KIF11: variants seen among roughly 807,000 people sequenced by gnomAD.
The protein encoded by KIF11 is kinesin-like protein KIF11.
In KIF11, 9 loss-of-function variants were observed where a neutral mutation model predicts 121.0. The ratio of observed to expected loss-of-function variants is 0.07; its 90% CI spans 0.04 to 0.13. KIF11 has a LOEUF of 0.13. KIF11 is among the 10% of genes least tolerant of loss of function. The pLI is 1.00. For synonymous variants in KIF11, 408 were observed against 421.0 expected (o/e 0.97, Z 0.38); for missense variants, 846 against 1,217.5 (o/e 0.69, Z 4.54).
At chr10:92,637,764 C>T (rs1328897997) in intron 16 of KIF11, among the ~76,000 whole-genome samples, 2 of 152,138 alleles carry the variant, frequency 1.3e-5, no homozygotes, top group Non-Finnish European at 2.9e-5. Flanking sequence ...CCATGCAGAA[C>T]CACAATATGA....
chr10:92,621,289 T>TA (rs1423726237), intron 9 of KIF11, 96 bp from the exon 10 acceptor site: 9 of 620,110 alleles, frequency 1.5e-5, no homozygotes, highest in Non-Finnish European at 2.5e-5. Context: ...TTAAAAGACA[T>TA]AAAAAGGCTA....
intron 12 of KIF11, among the ~76,000 whole-genome samples, chr10:92,632,213 T>C (rs972458426): frequency 6.6e-6 from 1 of 151,894 alleles, no homozygotes; most frequent in Non-Finnish European, 1.5e-5. Context: ...TCACCCCGGC[T>C]GGAGTGGCAG....
Position 92,614,149 on chromosome 10 carries a change from T to C in KIF11, c.1032+530T>C, listed in dbSNP as rs369634316. Among the ~76,000 whole-genome samples the C allele has an allele frequency of 1.3e-4, 20 of 149,292 alleles. No individual in the cohort carries two copies. In the East Asian group the frequency reaches 3.9e-3, roughly 29 times the overall value. On this transcript the variant is annotated intron_variant, in intron 8 of 21. Coordinates refer to ENST00000260731, the MANE Select transcript of KIF11 (RefSeq NM_004523.4). Reference sequence around the variant, plus strand: ...CCCACTCTTGTCCCCCAGACTGGAGTGCGATGACGCGATCTCGGCTCACTG... The same window carrying C: ...CCCACTCTTGTCCCCCAGACTGGAGCGCGATGACGCGATCTCGGCTCACTG...
At chr10:92,599,626 T>TG (rs1844343666) in intron 1 of KIF11, among the ~76,000 whole-genome samples, 1 of 151,536 alleles carries the variant, frequency 6.6e-6, no homozygotes, top group African/African-American at 2.4e-5. Flanking sequence ...ACAGTTTTTT[T>TG]TTGTGTGTGT....
At chr10:92,593,521 G>A (rs12256435) in intron 1 of KIF11, 69 bp downstream of exon 1, 2 of 1,363,312 alleles carry the variant, frequency 1.5e-6, no homozygotes, top group Non-Finnish European at 2.0e-6. Context: ...GCGCGGTCCA[G>A]GGAGAGGGAT....
chr10:92,637,619 CTA>C (rs1564714916), intron 16 of KIF11, 74 bp downstream of exon 16: 2 of 1,387,306 alleles, frequency 1.4e-6, no homozygotes, highest in Non-Finnish European at 2.0e-6. Context: ...GATAATTAAT[CTA>C]TGTTACACAA....
At chr10:92,623,915 A>T (rs1036314131) in intron 10 of KIF11, among the ~76,000 whole-genome samples, 1 of 152,014 alleles carries the variant, frequency 6.6e-6, no homozygotes, top group Non-Finnish European at 1.5e-5. Context: ...TTTTAGTTTC[A>T]GGAGTACATG....
chr10:92,618,605 C>G (rs994133629), intron 9 of KIF11, among the ~76,000 whole-genome samples: 5 of 144,476 alleles, frequency 3.5e-5, no homozygotes, highest in African/African-American at 1.4e-4. Flanking sequence ...GATCGAGCCA[C>G]TGTACTACAG....
Position 92,633,680 on chromosome 10 carries a change from G to A in KIF11, c.1760G>A (p.Gly587Glu). Residue 587 changes from glycine to glutamate, a missense_variant, in exon 14 of 22, where the codon GGA (glycine) becomes GAA (glutamate). By Grantham distance (98) the Gly-to-Glu change is moderately conservative. Coordinates refer to ENST00000260731, the MANE Select transcript of KIF11 (RefSeq NM_004523.4). The part of the protein sequence containing the change: ...ALDTITTVAL[G>E]SLTSIPENVS... Reference sequence around the variant, plus strand: ...GATACCATTACTACAGTAGCACTTGGATCTCTCACATCTATTCCAGAAAAT... The same window carrying A: ...GATACCATTACTACAGTAGCACTTGAATCTCTCACATCTATTCCAGAAAAT... 6.2e-7 allele frequency: 1 copy of A among 1,605,262 alleles called. No individual in the cohort carries two copies. The highest frequency in any genetic ancestry group is 1.1e-5 in the South Asian group (1 of 90,710).
intron 10 of KIF11, among the ~76,000 whole-genome samples, chr10:92,621,975 TAAA>T (rs1014985775): frequency 6.6e-6 from 1 of 152,192 alleles, no homozygotes; most frequent in Non-Finnish European, 1.5e-5. Flanking sequence ...GGTTATCTCT[TAAA>T]TAATTATAGT....
At chr10:92,646,048 T>A in intron 18 of KIF11, among the ~76,000 whole-genome samples, 1 of 151,138 alleles carries the variant, frequency 6.6e-6, no homozygotes, top group Non-Finnish European at 1.5e-5. Flanking sequence ...GCCTCCCAAG[T>A]TCAAGCGATT....
chr10:92,652,728 C>G (rs953219021), intron 21 of KIF11, among the ~76,000 whole-genome samples: 3 of 152,106 alleles, frequency 2.0e-5, no homozygotes, highest in African/African-American at 7.2e-5. Flanking sequence ...GGTCAGAAAT[C>G]GTTTTATTAT....
Position 92,649,900 on chromosome 10 carries a change from C to T in KIF11, c.2836C>T (p.His946Tyr), listed in dbSNP as rs201290831. The T allele has an allele frequency of 8.1e-6, 13 of 1,613,014 alleles. No homozygotes were observed. In the Admixed American group the frequency reaches 1.5e-4, roughly 19 times the overall value. The change falls in exon 20 of 22, where the codon CAT becomes TAT. Residue 946 changes from histidine (H) to tyrosine (Y), a missense_variant. By Grantham distance (83) the His-to-Tyr change is moderately conservative (BLOSUM62 2). Coordinates refer to ENST00000260731, the MANE Select transcript of KIF11 (RefSeq NM_004523.4). ...ACTGGTAAGAACTGAACCACGTGAA[C>T]ATCTCCTTGATCAGCTGAAAAGGAA... The part of the protein sequence containing the change: ...STLVRTEPRE[H>Y]LLDQLKRKQP...
rs41290174 is a variant in KIF11, at chr10:92,654,037, G to T, written c.*241G>T. ...CGTCTCTGTTAAAAATTAGCCGGGC[G>T]TGGTGGCACACTCCTGTAATCCCAG... is the stretch of plus-strand genomic sequence containing the variant. On this transcript the variant is annotated 3_prime_UTR_variant, in exon 22 of 22. Transcript: ENST00000260731. 1 of 312,210 alleles carries T rather than the reference G, an allele frequency of 3.2e-6. No individual in the cohort carries two copies. 19.3% of individuals were successfully genotyped at this position (312,210 alleles called of 1,614,324 possible).
At position 92,613,190 on chromosome 10, in the gene KIF11, A is replaced by C; in HGVS notation, c.789+60A>C. On this transcript the variant is annotated intron_variant, in intron 7 of 21. Transcript: ENST00000260731. This position sits in a 1 kb window ranked among gnomAD's most constrained non-coding sequence, Gnocchi z 4.2. ...TAAACACCTTATAGAGCAGCTTGAA[A>C]TTTTGTCCTTGAGACAAAATTTTTG... The C allele has an allele frequency of 1.5e-6, 2 of 1,374,018 alleles. No individual in the cohort carries two copies. The highest frequency in any genetic ancestry group is 2.6e-5 in the South Asian group (2 of 77,402). The allele number at this position is 1,374,018 out of a possible 1,614,324, so 85.1% of individuals were successfully genotyped here. A position where few individuals can be genotyped will look rare whatever the true frequency, so the allele number is the denominator to read the frequency against.
In KIF11 at chr10:92,606,411, C is replaced by T. The variant is rs765569740; in HGVS notation, c.210+14C>T. On this transcript the variant is annotated intron_variant, in intron 2 of 21. Coordinates refer to ENST00000260731, the MANE Select transcript of KIF11 (RefSeq NM_004523.4). ...ACTTTTGATATGGTAACATATGGTG[C>T]AATTTCTTTATTATCCACTAATGTA... 3.2e-6 allele frequency: 5 copies of T among 1,575,542 alleles called. No individual in the cohort carries two copies. Among genetic ancestry groups the T allele is most frequent in the Admixed American group, 3.9e-5 (2 of 51,236 alleles).
intron 1 of KIF11, among the ~76,000 whole-genome samples, chr10:92,603,814 A>G (rs1002412554): frequency 6.6e-6 from 1 of 152,162 alleles, no homozygotes; most frequent in Non-Finnish European, 1.5e-5. Flanking sequence ...CTAATTTATC[A>G]GCATCTAATA....
chr10:92,599,627 T>G (rs115998322), intron 1 of KIF11, among the ~76,000 whole-genome samples: 5,753 of 151,516 alleles, frequency 0.038, 124 homozygotes, highest in Admixed American at 0.06. Context: ...CAGTTTTTTT[T>G]TGTGTGTGTG....
At position 92,650,381 on chromosome 10, in the gene KIF11, C is replaced by G; in HGVS notation, c.2923-20C>G. 8 of 1,413,590 alleles carry G rather than the reference C, an allele frequency of 5.7e-6. No homozygotes were observed. Among genetic ancestry groups the G allele is most frequent in the Non-Finnish European group, 7.0e-6 (7 of 997,286 alleles). 87.6% of individuals were successfully genotyped at this position (1,413,590 alleles called of 1,614,324 possible). A position where few individuals can be genotyped will look rare whatever the true frequency, so the allele number is the denominator to read the frequency against. ...TTTTAAGCCCTTGGACTTAGTCACT[C>G]ATCCAGTTTCTTCTTTTAGGATGTG... is the stretch of plus-strand genomic sequence containing the variant. On this transcript the variant is annotated intron_variant, in intron 20 of 21. Coordinates refer to ENST00000260731, the MANE Select transcript of KIF11 (RefSeq NM_004523.4).
Sources: allele counts gnomAD v4.1 joint callset (sites outside exome capture counted in the v4.1 genomes callset), GRCh38; gene constraint gnomAD v4.1.1; non-coding constraint Gnocchi (gnomAD v3.1); transcripts MANE v1.5; gene names NCBI Gene and HGNC (gene_info 2026-07-23, HGNC 2026-07-21).